HECW2: variants seen among roughly 807,000 people sequenced by gnomAD.
HECW2 encodes the protein E3 ubiquitin-protein ligase HECW2.
A neutral mutation model predicts 175.2 loss-of-function variants in HECW2; 61 were observed. That is an observed-to-expected ratio of 0.35 (90% CI 0.28 to 0.43). HECW2 has a LOEUF of 0.43. HECW2 is among the 20% of genes least tolerant of loss of function. The pLI is 1.00. For missense variants in HECW2, 1,524 were observed against 2,000.5 expected (o/e 0.76, Z 4.54); for synonymous variants, 671 against 731.0 (o/e 0.92, Z 1.32).
At position 196,329,575 on chromosome 2, in the gene HECW2, CT is replaced by C; in HGVS notation, c.570del (p.Asp191IlefsTer7). The C allele has an allele frequency of 6.2e-7, 1 of 1,611,268 alleles. No homozygotes were observed. The highest frequency in any genetic ancestry group is 8.5e-7 in the Non-Finnish European group (1 of 1,177,566). On this transcript the variant is annotated frameshift_variant and splice_region_variant, in exon 5 of 29. Coordinates refer to ENST00000644978, the MANE Select transcript of HECW2 (RefSeq NM_001348768.2). LOFTEE classifies it high-confidence loss of function. ...ATGTCACGTTTAAAGACATTCTTAC[CT>C]GACAATGTAAAGCTAACAAGTTTTC... ...HSRKLVSFTL[S>X]DLRAVGLKKG...
chr2:196,251,765 G>C (rs1453758540), intron 19 of HECW2, among the ~76,000 whole-genome samples: 1 of 152,074 alleles, frequency 6.6e-6, no homozygotes, highest in Non-Finnish European at 1.5e-5. Context: ...TCTGGCTAAT[G>C]CAATGGCCTC....
chr2:196,265,209 G>C (rs996073737), intron 17 of HECW2, among the ~76,000 whole-genome samples: 1 of 152,216 alleles, frequency 6.6e-6, no homozygotes, highest in Admixed American at 6.5e-5. Context: ...AGATGGCCAG[G>C]CAGGGTGGCT....
chr2:196,591,900 T>C (rs574715319), intron 1 of HECW2, among the ~76,000 whole-genome samples: 21 of 152,344 alleles, frequency 1.4e-4, no homozygotes, highest in African/African-American at 4.6e-4. Context: ...TCTTTGTAGA[T>C]AATGTGTGTG....
chr2:196,563,821 T>C lies in HECW2; in HGVS notation c.-36+29687A>G, dbSNP rs1690090334. On this transcript the variant is annotated intron_variant, in intron 1 of 28. Coordinates refer to ENST00000644978, the MANE Select transcript of HECW2 (RefSeq NM_001348768.2). Reference sequence around the variant, plus strand: ...GGAAGTTCTTGCAAAATGCTATCTATTAAATGAAAAAGGGATTACAGAATT... The same window carrying C: ...GGAAGTTCTTGCAAAATGCTATCTACTAAATGAAAAAGGGATTACAGAATT... 2.0e-5 allele frequency among the ~76,000 whole-genome samples: 3 copies of C among 152,184 alleles called. No homozygotes were observed. In the South Asian group the frequency reaches 6.2e-4, roughly 31 times the overall value.
At chr2:196,254,205 G>A (rs911099882) in intron 18 of HECW2, among the ~76,000 whole-genome samples, 176 bp from the exon 19 acceptor site, 2 of 152,180 alleles carry the variant, frequency 1.3e-5, no homozygotes, top group African/African-American at 4.8e-5. Context: ...GGTGCTTTTT[G>A]TGAACCCTGT....
At chr2:196,515,706 T>C (rs1312496341) in intron 1 of HECW2, among the ~76,000 whole-genome samples, 2 of 152,182 alleles carry the variant, frequency 1.3e-5, no homozygotes, top group Non-Finnish European at 2.9e-5. Context: ...AAATAATACC[T>C]TTACTTTGGA....
chr2:196,502,878 T>C (rs573310944), intron 1 of HECW2, among the ~76,000 whole-genome samples: 9 of 152,340 alleles, frequency 5.9e-5, no homozygotes, highest in African/African-American at 2.2e-4. Flanking sequence ...AGAGTACACA[T>C]GGAGGTCCAA....
chr2:196,344,866 C>A (rs1223872522), intron 2 of HECW2, among the ~76,000 whole-genome samples: 1 of 152,058 alleles, frequency 6.6e-6, no homozygotes, highest in African/African-American at 2.4e-5. Context: ...GTCCCAAGCC[C>A]AAAGGAATAG....
At position 196,242,111 on chromosome 2, in the gene HECW2, C is replaced by G; in HGVS notation, c.3623G>C (p.Gly1208Ala). 1 of 1,614,144 alleles carries G rather than the reference C, an allele frequency of 6.2e-7. No individual in the cohort carries two copies. The highest frequency in any genetic ancestry group is 8.5e-7 in the Non-Finnish European group (1 of 1,180,000). ...RNFYRKLETK[G>A]YGQGPGKLKL... Reference sequence around the variant, plus strand: ...TAACTTCCCTGGGCCTTGTCCATATCCTTTAGTCTCTAACTTCCTGTAAAA... The same window carrying G: ...TAACTTCCCTGGGCCTTGTCCATATGCTTTAGTCTCTAACTTCCTGTAAAA... Residue 1208 changes from glycine to alanine, a missense_variant, in exon 20 of 29, where the codon GGA becomes GCA. By Grantham distance (60) the Gly-to-Ala change is moderately conservative. Coordinates refer to ENST00000644978, the MANE Select transcript of HECW2 (RefSeq NM_001348768.2).
chr2:196,433,498 T>C (rs2204641), intron 1 of HECW2, 40 bp from the exon 2 acceptor site: 1,395,235 of 1,443,452 alleles, frequency 0.97, 674,708 homozygotes, highest in East Asian at 1. Context: ...AGTGCTACAA[T>C]ACGAAGAATC....
intron 21 of HECW2, among the ~76,000 whole-genome samples, chr2:196,232,007 T>C (rs1688077373): frequency 1.3e-5 from 2 of 151,862 alleles, no homozygotes; most frequent in Non-Finnish European, 2.9e-5. Context: ...AAAAAAAATC[T>C]AGCTTACAAT....
At chr2:196,234,505 A>G (rs1351333431) in intron 21 of HECW2, among the ~76,000 whole-genome samples, 1 of 151,996 alleles carries the variant, frequency 6.6e-6, no homozygotes, top group Non-Finnish European at 1.5e-5. Flanking sequence ...ATGTTGCCCA[A>G]TCTAGTTTGG....
intron 14 of HECW2, among the ~76,000 whole-genome samples, chr2:196,286,402 T>TATATATATATATATA (rs1391832927): frequency 8.5e-5 from 10 of 117,172 alleles, no homozygotes; most frequent in African/African-American, 1.3e-4. Context: ...ATATATATAT[T>TATATATATATATATA]TAAATCCATG....
chr2:196,361,074 T>C (rs1693570848), intron 2 of HECW2, among the ~76,000 whole-genome samples: 1 of 152,134 alleles, frequency 6.6e-6, no homozygotes, highest in Non-Finnish European at 1.5e-5. Context: ...AGCCAAAAAG[T>C]AAAAAATTTC....
intron 1 of HECW2, among the ~76,000 whole-genome samples, chr2:196,511,737 T>C (rs980682585): frequency 6.6e-6 from 1 of 152,062 alleles, no homozygotes; most frequent in African/African-American, 2.4e-5. Flanking sequence ...AAGTGTGTGA[T>C]CCAAAGGGCA....
chr2:196,341,373 C>CGG (rs1692746167), intron 3 of HECW2, among the ~76,000 whole-genome samples: 1 of 151,846 alleles, frequency 6.6e-6, no homozygotes, highest in Non-Finnish European at 1.5e-5. Context: ...TTTTAAACAC[C>CGG]AGGATCCTTT....
At chr2:196,585,300 T>C (rs185470715) in intron 1 of HECW2, among the ~76,000 whole-genome samples, 1 of 152,330 alleles carries the variant, frequency 6.6e-6, no homozygotes, top group East Asian at 1.9e-4. Context: ...TTACTTAGCA[T>C]AGAGCCTGGC....
At chr2:196,431,917 T>C (rs868039473) in intron 2 of HECW2, among the ~76,000 whole-genome samples, 1 of 152,254 alleles carries the variant, frequency 6.6e-6, no homozygotes, top group Non-Finnish European at 1.5e-5. Context: ...TCAGTCAATA[T>C]AAAATTCTTT....
intron 2 of HECW2, among the ~76,000 whole-genome samples, chr2:196,384,925 C>CT (rs924896753): frequency 1.2e-4 from 18 of 148,706 alleles, no homozygotes; most frequent in South Asian, 2.1e-4. Flanking sequence ...GTTTCTTTCA[C>CT]TTTTTTTTTT....
Sources: allele counts gnomAD v4.1 joint callset (sites outside exome capture counted in the v4.1 genomes callset), GRCh38; gene constraint gnomAD v4.1.1; transcripts MANE v1.5; gene names NCBI Gene and HGNC (gene_info 2026-07-23, HGNC 2026-07-21).